Variants in ERC1 observed in about 807,000 individuals in gnomAD.
ERC1 encodes RAB6 interacting protein 2.
A neutral mutation model predicts 132.0 loss-of-function variants in ERC1; 56 were observed. The ratio of observed to expected loss-of-function variants is 0.42; its 90% CI spans 0.34 to 0.53. The LOEUF is 0.53. ERC1 is among the 20% of genes least tolerant of loss of function. The probability of loss-of-function intolerance (pLI) is 0.03; values close to 1 mark genes in which losing one functional copy is unlikely to be tolerated. For synonymous variants in ERC1, 478 were observed against 476.1 expected, an observed-to-expected ratio of 1.00 and a Z score of -0.05; for missense variants, 1,202 against 1,349.9, an observed-to-expected ratio of 0.89 and a Z score of 1.72.
At chr12:1,155,551 C>T (rs1358440289) in intron 8 of ERC1, among the ~76,000 whole-genome samples, 1 of 151,962 alleles carries the variant, frequency 6.6e-6, no homozygotes, top group Middle Eastern at 3.2e-3. Flanking sequence ...TCTCGGCTCA[C>T]TGCAAGCTCC....
At chr12:1,423,441 A>G (rs913089994) in intron 17 of ERC1, among the ~76,000 whole-genome samples, 1 of 152,122 alleles carries the variant, frequency 6.6e-6, no homozygotes, top group African/African-American at 2.4e-5. Context: ...CAAACCATAC[A>G]TTGTATTGTC....
chr12:1,323,168 CGT>C (rs1281626826), intron 15 of ERC1, among the ~76,000 whole-genome samples: 2 of 140,130 alleles, frequency 1.4e-5, no homozygotes, highest in Non-Finnish European at 3.3e-5. Context: ...TAATTTTGGA[CGT>C]AAGTGTGCAA....
intron 7 of ERC1, among the ~76,000 whole-genome samples, chr12:1,129,454 G>C (rs1948544037): frequency 6.6e-6 from 1 of 152,212 alleles, no homozygotes; most frequent in Non-Finnish European, 1.5e-5. Context: ...TTAGCTAAGG[G>C]CTTCAGGGCA....
chr12:1,301,285 A>G (rs1371418641), intron 15 of ERC1, among the ~76,000 whole-genome samples: 1 of 152,172 alleles, frequency 6.6e-6, no homozygotes, highest in African/African-American at 2.4e-5. Context: ...CTTAGAATTC[A>G]CCACTGTATA....
At chr12:1,401,404 G>C (rs546762555) in intron 16 of ERC1, among the ~76,000 whole-genome samples, 2 of 152,140 alleles carry the variant, frequency 1.3e-5, no homozygotes, top group Non-Finnish European at 2.9e-5. Context: ...CAGTAGAATC[G>C]TTTCTGAAGG....
chr12:1,313,381 G>C (rs2081451636), intron 15 of ERC1, among the ~76,000 whole-genome samples: 1 of 152,126 alleles, frequency 6.6e-6, no homozygotes, highest in Non-Finnish European at 1.5e-5. Context: ...TGACTATCCA[G>C]TGCAAAATCC....
intron 7 of ERC1, among the ~76,000 whole-genome samples, chr12:1,124,151 G>A (rs186027448): frequency 6.6e-6 from 1 of 152,276 alleles, no homozygotes; most frequent in East Asian, 1.9e-4. Flanking sequence ...TGTGTATATA[G>A]AATTTTGTCC....
At chr12:1,274,693 A>G (rs1041964670) in intron 14 of ERC1, among the ~76,000 whole-genome samples, 2 of 152,056 alleles carry the variant, frequency 1.3e-5, no homozygotes. Context: ...GGATTCCAGC[A>G]TGTTTTTCAG....
At chr12:1,111,888 A>C (rs1045320319) in intron 5 of ERC1, among the ~76,000 whole-genome samples, 2 of 152,150 alleles carry the variant, frequency 1.3e-5, no homozygotes, top group African/African-American at 4.8e-5. Flanking sequence ...ATATAATCAT[A>C]GGTGTGAGCT....
chr12:1,492,838 C>T lies in ERC1; in HGVS notation c.*2608C>T, dbSNP rs77173162. On this transcript the variant is annotated 3_prime_UTR_variant, in exon 19 of 19. Transcript: ENST00000360905. ...CTAGATCATTGAACCAACACTTAAC[C>T]AAATGTCCCACTCCCATCACACTAG... 3.5e-4 allele frequency: 80 copies of T among 230,804 alleles called. 1 individual carries two copies. The East Asian group carries it at 4.6e-3, about 13-fold the overall frequency. 14.3% of individuals were successfully genotyped at this position (230,804 alleles called of 1,614,324 possible).
upstream of ERC1, chr12:990,729 C>G (rs1387436885): frequency 1.3e-5 from 2 of 152,248 alleles, no homozygotes; most frequent in African/African-American, 4.8e-5. Context: ...CAGGGTCGAT[C>G]CCGGCGCTGC....
Position 1,027,967 on chromosome 12 carries a change from C to T in ERC1, c.64C>T (p.Pro22Ser), listed in dbSNP as rs749881506. ...EPSSQSPGRS[P>S]RLPRSPRLGH... is the part of the protein sequence containing the mutation. ...GAGCAGCCAGAGCCCTGGGCGTTCA[C>T]CCAGGCTTCCACGTTCCCCTCGCTT... Residue 22 changes from proline to serine, a missense_variant, in exon 2 of 19, where the codon CCC (proline) becomes TCC (serine). Coordinates refer to ENST00000360905, the MANE Select transcript of ERC1 (RefSeq NM_178040.4). The T allele has an allele frequency of 9.3e-6, 15 of 1,613,962 alleles. No homozygotes were observed. The highest frequency in any genetic ancestry group is 7.6e-6 in the Non-Finnish European group (9 of 1,179,976).
intron 14 of ERC1, among the ~76,000 whole-genome samples, chr12:1,271,097 A>G (rs1004539840): frequency 1.3e-5 from 2 of 152,202 alleles, no homozygotes; most frequent in Non-Finnish European, 2.9e-5. Flanking sequence ...AAACATTTAT[A>G]TATCAAGTTA....
intron 12 of ERC1, among the ~76,000 whole-genome samples, chr12:1,218,595 T>C (rs1958644242): frequency 1.3e-5 from 2 of 152,164 alleles, no homozygotes; most frequent in Non-Finnish European, 2.9e-5. Context: ...ATCATAAATA[T>C]CCATGTTACC....
intron 17 of ERC1, among the ~76,000 whole-genome samples, chr12:1,442,210 G>A (rs2093175058): frequency 6.6e-6 from 1 of 152,126 alleles, no homozygotes; most frequent in African/African-American, 2.4e-5. Context: ...TTACAGGCAT[G>A]ATCCACCATG....
At chr12:1,024,269 T>C (rs1370568646) in intron 1 of ERC1, among the ~76,000 whole-genome samples, 2 of 152,142 alleles carry the variant, frequency 1.3e-5, no homozygotes, top group African/African-American at 2.4e-5. Context: ...TAGTCTCAGC[T>C]ACTCGGGTGG....
chr12:1,006,675 C>T (rs1441578369), intron 1 of ERC1, among the ~76,000 whole-genome samples: 1 of 151,846 alleles, frequency 6.6e-6, no homozygotes, highest in African/African-American at 2.4e-5. Context: ...GTATTGCAGG[C>T]ATGTATCACT....
At chr12:1,039,794 A>C (rs1216466475) in intron 2 of ERC1, among the ~76,000 whole-genome samples, 1 of 152,212 alleles carries the variant, frequency 6.6e-6, no homozygotes, top group Non-Finnish European at 1.5e-5. Flanking sequence ...GTGCTTGTTA[A>C]TGTTGGGGAA....
In ERC1 at chr12:1,485,396, A is replaced by G. The variant is rs192542198; in HGVS notation, c.3214-4697A>G. Among the ~76,000 whole-genome samples the G allele has an allele frequency of 3.0e-3, 449 of 149,624 alleles. 6 individuals carry two copies. The highest frequency in any genetic ancestry group is 6.9e-3 in the Middle Eastern group (2 of 288). ...GTTTTTGTATTTTTAGTAGAGACAGAGTTTCACCACATTGGCCAGGCTGGT... is the reference window on the plus strand; with the variant it reads ...GTTTTTGTATTTTTAGTAGAGACAGGGTTTCACCACATTGGCCAGGCTGGT... On this transcript the variant is annotated intron_variant, in intron 18 of 18. Transcript: ENST00000360905.
Sources: allele counts gnomAD v4.1 joint callset (sites outside exome capture counted in the v4.1 genomes callset), GRCh38; gene constraint gnomAD v4.1.1; transcripts MANE v1.5; gene names NCBI Gene and HGNC (gene_info 2026-07-23, HGNC 2026-07-21).